Variants in CACNA2D3 observed in about 807,000 individuals in gnomAD.
The protein encoded by CACNA2D3 is voltage-dependent calcium channel subunit alpha-2/delta-3.
In CACNA2D3, 60 loss-of-function variants were observed where a neutral mutation model predicts 160.6. The observed-to-expected ratio is 0.37, with a 90% CI of 0.30 to 0.46. The LOEUF is 0.46. Among genes scored for constraint, CACNA2D3 ranks in the 20% least tolerant of loss-of-function variants. The pLI, the probability that CACNA2D3 is intolerant of heterozygous loss-of-function variation, is 1.00. For missense variants in CACNA2D3, 1,205 were observed against 1,365.0 expected (o/e 0.88, Z 1.85); for synonymous variants, 558 against 492.9 (o/e 1.13, Z -1.75).
chr3:54,204,382 C>A (rs925525278), intron 2 of CACNA2D3, among the ~76,000 whole-genome samples: 3 of 151,670 alleles, frequency 2.0e-5, no homozygotes, highest in Non-Finnish European at 4.4e-5. Context: ...TCCGGAGAAC[C>A]TTGGCTAATA....
intron 4 of CACNA2D3, among the ~76,000 whole-genome samples, chr3:54,475,377 G>A (rs960456093): frequency 6.6e-6 from 1 of 152,154 alleles, no homozygotes; most frequent in African/African-American, 2.4e-5. Context: ...AAAGCAAATG[G>A]CATGGAAAGT....
At chr3:54,559,545 G>A (rs1193493776) in intron 5 of CACNA2D3, among the ~76,000 whole-genome samples, 2 of 151,990 alleles carry the variant, frequency 1.3e-5, no homozygotes, top group African/African-American at 4.8e-5. Context: ...TGCCCACCTC[G>A]GCCTCCCAAA....
chr3:54,187,347 A>C (rs1700896055), intron 2 of CACNA2D3, among the ~76,000 whole-genome samples: 2 of 152,224 alleles, frequency 1.3e-5, no homozygotes, highest in Non-Finnish European at 2.9e-5. Flanking sequence ...GGTAGACAGA[A>C]ACTACAGAGA....
At chr3:54,458,337 G>A (rs1054478239) in intron 4 of CACNA2D3, among the ~76,000 whole-genome samples, 7 of 151,932 alleles carry the variant, frequency 4.6e-5, no homozygotes, top group African/African-American at 1.7e-4. Context: ...TGTAAGCATT[G>A]CTTTGTAAGA....
rs753048726 is a variant in CACNA2D3 at position 54,575,781 on chromosome 3, G to A, written c.888+5677G>A. Among the ~76,000 whole-genome samples the A allele has an allele frequency of 7.9e-5, 12 of 152,276 alleles. No homozygotes were observed. The South Asian group carries it at 1.5e-3, about 18-fold the overall frequency. ...ACTTGAAGATAAGTAGGCTAGCCAG[G>A]CATAGGCAAACGTGATGGGACAAGG... On this transcript the variant is annotated intron_variant, in intron 8 of 37. Coordinates refer to ENST00000474759, the MANE Select transcript of CACNA2D3 (RefSeq NM_018398.3).
intron 31 of CACNA2D3, among the ~76,000 whole-genome samples, chr3:54,989,458 T>C (rs762262741): frequency 6.6e-6 from 1 of 152,172 alleles, no homozygotes; most frequent in African/African-American, 2.4e-5. Context: ...CAGGAGCAAG[T>C]TGACAAACCT....
At chr3:55,041,674 A>G (rs185522757) in intron 35 of CACNA2D3, among the ~76,000 whole-genome samples, 2 of 151,556 alleles carry the variant, frequency 1.3e-5, no homozygotes, top group African/African-American at 4.8e-5. Context: ...TTCATTGCCT[A>G]TTTTTTTGAT....
At chr3:54,768,603 C>A (rs775932396) in intron 13 of CACNA2D3, among the ~76,000 whole-genome samples, 2 of 152,186 alleles carry the variant, frequency 1.3e-5, no homozygotes, top group African/African-American at 4.8e-5. Context: ...AGAGGAAAGT[C>A]TCTGAAGTCT....
At chr3:54,576,462 G>T (rs1472232868) in intron 8 of CACNA2D3, among the ~76,000 whole-genome samples, 1 of 152,210 alleles carries the variant, frequency 6.6e-6, no homozygotes, top group East Asian at 1.9e-4. Flanking sequence ...TCATCATTAA[G>T]ATTCTCATTG....
chr3:55,022,692 G>C (rs1360269203), intron 35 of CACNA2D3, among the ~76,000 whole-genome samples: 1 of 125,516 alleles, frequency 8.0e-6, no homozygotes, highest in South Asian at 2.7e-4. Context: ...CCATTGGATT[G>C]ATTGGGTTTT....
intron 11 of CACNA2D3, among the ~76,000 whole-genome samples, chr3:54,689,744 C>T (rs1414574580): frequency 1.3e-5 from 2 of 152,042 alleles, no homozygotes; most frequent in East Asian, 3.9e-4. Flanking sequence ...ACACACCCTA[C>T]CCACTGGTCT....
chr3:55,007,667 T>A (rs760001594), intron 32 of CACNA2D3, 123 bp from the exon 33 acceptor site: 4 of 650,206 alleles, frequency 6.2e-6, no homozygotes, highest in Non-Finnish European at 1.0e-5. Context: ...AGAACGCCAC[T>A]GTTTTTTAAC....
intron 17 of CACNA2D3, among the ~76,000 whole-genome samples, chr3:54,858,957 T>C (rs951006505): frequency 6.6e-6 from 1 of 152,160 alleles, no homozygotes; most frequent in African/African-American, 2.4e-5. Context: ...AGTCCCAAAT[T>C]ATATATATTT....
chr3:54,782,376 A>G (rs1307104976), intron 13 of CACNA2D3, among the ~76,000 whole-genome samples: 1 of 152,216 alleles, frequency 6.6e-6, no homozygotes, highest in Non-Finnish European at 1.5e-5. Context: ...AGATTTAAAA[A>G]CATAATATTG....
At chr3:54,696,200 G>A (rs1342927960) in intron 11 of CACNA2D3, among the ~76,000 whole-genome samples, 1 of 152,088 alleles carries the variant, frequency 6.6e-6, no homozygotes, top group Non-Finnish European at 1.5e-5. Context: ...ACAAATAATT[G>A]CTGGTGTTAT....
intron 5 of CACNA2D3, among the ~76,000 whole-genome samples, chr3:54,516,789 T>C (rs1701558350): frequency 6.6e-6 from 1 of 152,170 alleles, no homozygotes; most frequent in South Asian, 2.1e-4. Context: ...CAGAGACTTT[T>C]CTGGGGTAGA....
rs1199583840 is a variant in CACNA2D3, at chr3:54,478,243, T to C, written c.382-25249T>C. On this transcript the variant is annotated intron_variant, in intron 4 of 37. Transcript: ENST00000474759. Reference sequence around the variant, plus strand: ...TAATTAATGACTAGAGCAAGTGATATAATACAGTAGCCCTCTTTGTATCTG... The same window carrying C: ...TAATTAATGACTAGAGCAAGTGATACAATACAGTAGCCCTCTTTGTATCTG... Among the ~76,000 whole-genome samples the C allele has an allele frequency of 2.0e-5, 3 of 152,266 alleles. No homozygotes were observed. In the East Asian group the frequency reaches 5.8e-4, roughly 29 times the overall value.
intron 35 of CACNA2D3, among the ~76,000 whole-genome samples, chr3:55,025,825 C>G (rs1703553327): frequency 1.3e-5 from 2 of 151,942 alleles, no homozygotes; most frequent in Admixed American, 1.3e-4. Context: ...GGAGGATTTT[C>G]CTTTCCAAGC....
chr3:54,826,132 A>G (rs1703744545), intron 14 of CACNA2D3, among the ~76,000 whole-genome samples: 1 of 152,208 alleles, frequency 6.6e-6, no homozygotes, highest in South Asian at 2.1e-4. Context: ...ATTGAGCCAC[A>G]TATTTAATGG....
Sources: allele counts gnomAD v4.1 joint callset (sites outside exome capture counted in the v4.1 genomes callset), GRCh38; gene constraint gnomAD v4.1.1; transcripts MANE v1.5; gene names NCBI Gene and HGNC (gene_info 2026-07-23, HGNC 2026-07-21).